ARHGEF10: variants seen among roughly 807,000 people sequenced by gnomAD.
ARHGEF10 encodes the protein Rho guanine nucleotide exchange factor (GEF) 10.
ARHGEF10 carries 140 observed loss-of-function variants against 147.4 expected under a neutral mutation model. That is an observed-to-expected ratio of 0.95 (90% CI 0.83 to 1.09). ARHGEF10 has a LOEUF of 1.09. Ranked by LOEUF, ARHGEF10 falls within the 50% of genes least tolerant of loss-of-function variation. ARHGEF10 has a pLI of 0.00. For synonymous variants in ARHGEF10, 902 were observed against 695.8 expected (o/e 1.30, Z -4.67); for missense variants, 2,222 against 1,752.7 (o/e 1.27, Z -4.78).
At chr8:1,901,020 A>G (rs754896845) in intron 15 of ARHGEF10, among the ~76,000 whole-genome samples, 5 of 151,994 alleles carry the variant, frequency 3.3e-5, no homozygotes, top group Admixed American at 6.5e-5. Flanking sequence ...GGCGTATCCT[A>G]GAGTGTTCTC....
At chr8:1,908,227 A>ATTTTTTTTTTTTTTTT (rs11288174) in intron 17 of ARHGEF10, among the ~76,000 whole-genome samples, 1 of 110,078 alleles carries the variant, frequency 9.1e-6, no homozygotes, top group African/African-American at 3.8e-5. Flanking sequence ...CCACACTTTG[A>ATTTTTTTTTTTTTTTT]TTTTTTTTTT....
At chr8:1,909,112 C>G (rs1811149647) in intron 17 of ARHGEF10, among the ~76,000 whole-genome samples, 183 bp from the exon 18 acceptor site, 1 of 152,226 alleles carries the variant, frequency 6.6e-6, no homozygotes, top group Admixed American at 6.5e-5. Context: ...CAGTTCGAGG[C>G]CTCTTTATGG....
chr8:1,858,192 G>A (rs1563187029), intron 3 of ARHGEF10, 77 bp downstream of exon 3: 5 of 1,379,360 alleles, frequency 3.6e-6, no homozygotes, highest in Non-Finnish European at 4.9e-6. Context: ...CCCCATGTGA[G>A]TCACCAGGTG....
At chr8:1,892,887 A>C (rs1407905438) in intron 11 of ARHGEF10, among the ~76,000 whole-genome samples, 2 of 152,192 alleles carry the variant, frequency 1.3e-5, no homozygotes, top group African/African-American at 4.8e-5. Flanking sequence ...GGGCGTCCTC[A>C]TAGGCCTTTC....
intron 8 of ARHGEF10, among the ~76,000 whole-genome samples, chr8:1,878,334 C>T (rs1282977844): frequency 6.6e-6 from 1 of 152,044 alleles, no homozygotes; most frequent in Non-Finnish European, 1.5e-5. Context: ...GGATTATAGG[C>T]ACCTTCCACT....
chr8:1,861,286 G>C (rs1806108849), intron 4 of ARHGEF10, among the ~76,000 whole-genome samples: 1 of 152,226 alleles, frequency 6.6e-6, no homozygotes, highest in Non-Finnish European at 1.5e-5. Context: ...CAGAGCCACA[G>C]GGTTCTGCTG....
chr8:1,864,449 G>A lies in ARHGEF10; in HGVS notation c.545+13G>A, dbSNP rs1255874214. ...AGCCTCCAACCAGGTATCTGCATCC[G>A]TCTTCCCACACCTGCTGAATTCCCG... On this transcript the variant is annotated intron_variant, in intron 5 of 28. Transcript: ENST00000349830. The A allele has an allele frequency of 8.7e-6, 14 of 1,612,278 alleles. No homozygotes were observed. The highest frequency in any genetic ancestry group is 1.6e-4 in the Middle Eastern group (1 of 6,084).
At chr8:1,860,790 G>A (rs182107997) in intron 4 of ARHGEF10, among the ~76,000 whole-genome samples, 119 of 152,132 alleles carry the variant, frequency 7.8e-4, no homozygotes, top group Middle Eastern at 3.4e-3. Context: ...GACAGTTACC[G>A]TTATGTATGT....
intron 18 of ARHGEF10, among the ~76,000 whole-genome samples, chr8:1,917,372 C>A (rs552328001): frequency 6.6e-6 from 1 of 152,222 alleles, no homozygotes; most frequent in Non-Finnish European, 1.5e-5. Flanking sequence ...GCTCTGACGT[C>A]TCGGTCTCAC....
intron 15 of ARHGEF10, among the ~76,000 whole-genome samples, chr8:1,899,189 G>C (rs1039010583): frequency 6.6e-6 from 1 of 152,202 alleles, no homozygotes; most frequent in Admixed American, 6.5e-5. Context: ...GCAGTGTGTG[G>C]TTGCCCGCTC....
rs767317039 is a variant in ARHGEF10, at chr8:1,882,665, G to A, written c.991G>A (p.Gly331Ser). Residue 331 changes from glycine (G) to serine (S), a missense_variant, in exon 10 of 29, where the codon GGC becomes AGC. Coordinates refer to ENST00000349830, the MANE Select transcript of ARHGEF10 (RefSeq NM_014629.4). The part of the protein sequence containing the change: ...MQKLVKAAKD[G>S]TKDGLERTRA... ...GAAGCTCGTGAAGGCCGCGAAGGAC[G>A]GCACCAAGGACGGGCTGGAGAGGAC... is the stretch of plus-strand genomic sequence containing the variant. The A allele has an allele frequency of 4.6e-5, 71 of 1,555,798 alleles. No individual in the cohort carries two copies. Among genetic ancestry groups the A allele is most frequent in the Admixed American group, 2.3e-4 (12 of 51,548 alleles).
At chr8:1,925,498 A>G in intron 22 of ARHGEF10, 94 bp downstream of exon 22, 1 of 1,537,334 alleles carries the variant, frequency 6.5e-7, no homozygotes. Flanking sequence ...GCGTGGTCAG[A>G]ACATGGTCCT....
chr8:1,857,040 C>T (rs956430777), intron 2 of ARHGEF10, among the ~76,000 whole-genome samples: 2 of 152,198 alleles, frequency 1.3e-5, no homozygotes, highest in African/African-American at 4.8e-5. Context: ...CAGCCGTAAC[C>T]CCGGTCCAAG....
intron 4 of ARHGEF10, 56 bp downstream of exon 4, chr8:1,860,240 A>C: frequency 2.0e-6 from 3 of 1,511,700 alleles, no homozygotes; most frequent in Non-Finnish European, 2.7e-6. Context: ...CCTCCTCTCC[A>C]CGCCCCCGAA....
chr8:1,952,612 C>A (rs1166435796), intron 27 of ARHGEF10, 93 bp from the exon 28 acceptor site: 1 of 1,542,696 alleles, frequency 6.5e-7, no homozygotes, highest in Non-Finnish European at 8.8e-7. Context: ...GGTGGTGGCA[C>A]GACAGGCCTG....
chr8:1,928,025 T>C (rs960072061), intron 23 of ARHGEF10, among the ~76,000 whole-genome samples: 2 of 152,262 alleles, frequency 1.3e-5, no homozygotes, highest in African/African-American at 4.8e-5. Context: ...ACTGATGTTT[T>C]TCCTATTTGA....
Position 1,884,339 on chromosome 8 carries a change from T to G in ARHGEF10, c.1076-1262T>G, listed in dbSNP as rs1229747039. ...TGAACCCGGGAGGCGGAGCTTGCAG[T>G]GAGCCGAGATTGCGCCACTGCACTC... On this transcript the variant is annotated intron_variant, in intron 10 of 28. Transcript: ENST00000349830. 6.7e-5 allele frequency among the ~76,000 whole-genome samples: 10 copies of G among 149,276 alleles called. No homozygotes were observed. In the East Asian group the frequency reaches 2.0e-3, roughly 30 times the overall value.
At chr8:1,935,048 A>C (rs1813463677) in intron 26 of ARHGEF10, among the ~76,000 whole-genome samples, 1 of 152,182 alleles carries the variant, frequency 6.6e-6, no homozygotes, top group Non-Finnish European at 1.5e-5. Context: ...ATAAACAATA[A>C]ACTCATACAC....
chr8:1,933,446 C>T (rs1042817984), intron 25 of ARHGEF10, among the ~76,000 whole-genome samples: 1 of 151,662 alleles, frequency 6.6e-6, no homozygotes, highest in Non-Finnish European at 1.5e-5. Context: ...ACTTTTGATA[C>T]AACCTTTGCG....
Sources: allele counts gnomAD v4.1 joint callset (sites outside exome capture counted in the v4.1 genomes callset), GRCh38; gene constraint gnomAD v4.1.1; transcripts MANE v1.5; gene names NCBI Gene and HGNC (gene_info 2026-07-23, HGNC 2026-07-21).